COQ3: variants seen among roughly 807,000 people sequenced by gnomAD.
COQ3 encodes coenzyme Q3, methyltransferase, also known as ubiquinone biosynthesis O-methyltransferase, mitochondrial.
In COQ3, 29 loss-of-function variants were observed where a neutral mutation model predicts 33.1. That is an observed-to-expected ratio of 0.88 (90% confidence interval 0.65 to 1.19). The LOEUF is 1.19. Among genes scored for constraint, COQ3 ranks in the 50% most tolerant of loss-of-function variants. COQ3 has a pLI of 0.00. For synonymous variants in COQ3, 173 were observed against 157.8 expected (o/e 1.10, Z -0.72); for missense variants, 437 against 430.7 (o/e 1.01, Z -0.13).
rs903518890 is a variant in COQ3 at position 99,394,151 on chromosome 6, G to C, written c.29C>G (p.Ser10Cys). The C allele has an allele frequency of 2.5e-6, 4 of 1,606,570 alleles. No individual in the cohort carries two copies. Among genetic ancestry groups the C allele is most frequent in the African/African-American group, 1.4e-5 (1 of 74,064 alleles). The change falls in exon 1 of 7, where the codon TCC (serine) becomes TGC (cysteine). Residue 10 changes from serine (S) to cysteine (C), a missense_variant. Physicochemically the swap from Ser to Cys is moderately radical, Grantham distance 112. Transcript: ENST00000254759. The stretch of plus-strand genomic sequence containing the variant: ...CAGCACTCTTAAAAACCAACCCCCG[G>C]AGGAGCCCAGCTTACGGCCACTCCA... MWSGRKLGSSGGWFLRVLGP... is the reference protein window; with the variant it reads MWSGRKLGSCGGWFLRVLGP...
chr6:99,371,646 T>C, intron 5 of COQ3, 59 bp from the exon 6 acceptor site: 5 of 1,155,282 alleles, frequency 4.3e-6, no homozygotes, highest in Non-Finnish European at 6.2e-6. Context: ...ATCACTTAAG[T>C]AAAAGCTGTT....
chr6:99,376,788 T>C (rs942896323), intron 4 of COQ3, among the ~76,000 whole-genome samples: 6 of 151,808 alleles, frequency 4.0e-5, no homozygotes, highest in Non-Finnish European at 8.8e-5. Flanking sequence ...CTGGCCAACA[T>C]GGTGAAACCC....
chr6:99,394,149 C>T lies in COQ3; in HGVS notation c.31G>A (p.Gly11Arg). The change falls in exon 1 of 7, where the codon GGG (glycine) becomes AGG (arginine). Residue 11 changes from glycine to arginine, a missense_variant. Transcript: ENST00000254759. ...CCCAGCACTCTTAAAAACCAACCCC[C>T]GGAGGAGCCCAGCTTACGGCCACTC... is the stretch of plus-strand genomic sequence containing the variant. Reference protein sequence around the residue: MWSGRKLGSSGGWFLRVLGPG... With the variant: MWSGRKLGSSRGWFLRVLGPG... 1 of 1,607,248 alleles carries T rather than the reference C, an allele frequency of 6.2e-7. No homozygotes were observed. Among genetic ancestry groups the T allele is most frequent in the Non-Finnish European group, 8.5e-7 (1 of 1,176,718 alleles).
Position 99,383,732 on chromosome 6 carries a change from T to C in COQ3, c.199A>G (p.Ile67Val). The part of the protein sequence containing the change: ...RTIWFKSYRT[I>V]FSCLNRIKSF... ...TTTATTCTGTTCAAACAGGAAAAGA[T>C]CGTCCTGTAGGATTTGAACCATATG... Residue 67 changes from isoleucine (I) to valine (V), a missense_variant, in exon 2 of 7, where the codon ATC becomes GTC. By Grantham distance (29) the Ile-to-Val change is conservative. Transcript: ENST00000254759. 1 of 1,603,826 alleles carries C rather than the reference T, an allele frequency of 6.2e-7. No individual in the cohort carries two copies.
At chr6:99,371,655 T>C in intron 5 of COQ3, 68 bp from the exon 6 acceptor site, 2 of 1,024,814 alleles carry the variant, frequency 2.0e-6, no homozygotes, top group Non-Finnish European at 2.9e-6. Context: ...GTAAAAGCTG[T>C]TTCCCCCTCC....
intron 3 of COQ3, among the ~76,000 whole-genome samples, chr6:99,378,105 CATATATATATATATATATATATAT>C (rs57039767): frequency 1.3e-4 from 10 of 77,576 alleles, no homozygotes; most frequent in African/African-American, 4.4e-4. Flanking sequence ...GTAAACTAAA[CATATATATATATATATATATATAT>C]ATATATATAT....
chr6:99,383,453 G>C (rs1774528434), intron 2 of COQ3, among the ~76,000 whole-genome samples: 1 of 152,116 alleles, frequency 6.6e-6, no homozygotes, highest in African/African-American at 2.4e-5. Flanking sequence ...AGCTATCTCT[G>C]AATCTGAATG....
intron 1 of COQ3, among the ~76,000 whole-genome samples, chr6:99,384,708 A>G (rs958296537): frequency 1.3e-5 from 2 of 152,238 alleles, no homozygotes; most frequent in Non-Finnish European, 1.5e-5. Flanking sequence ...GTTGTTCAAT[A>G]AACATTCAGA....
rs1484441706 is a variant in COQ3, at chr6:99,384,975, G to A, written c.107-1151C>T. Among the ~76,000 whole-genome samples the A allele has an allele frequency of 5.3e-5, 8 of 152,154 alleles. No individual in the cohort carries two copies. In the East Asian group the frequency reaches 1.5e-3, roughly 29 times the overall value. On this transcript the variant is annotated intron_variant, in intron 1 of 6. Transcript: ENST00000254759. ...AAAATACAAAAATTAGCCAGGCATG[G>A]TGGCATGTGCCTGTAATCCCAGCTA...
intron 1 of COQ3, among the ~76,000 whole-genome samples, chr6:99,384,784 G>A (rs1774571551): frequency 6.6e-6 from 1 of 152,050 alleles, no homozygotes; most frequent in Non-Finnish European, 1.5e-5. Context: ...CAATAAAAGG[G>A]ATAATCCACC....
chr6:99,391,102 T>TATTTATTGATTG (rs1554209281), intron 1 of COQ3, among the ~76,000 whole-genome samples: 1 of 121,150 alleles, frequency 8.3e-6, no homozygotes, highest in Non-Finnish European at 1.9e-5. Flanking sequence ...TTTATTTATT[T>TATTTATTGATTG]ATTTATTTAT....
intron 1 of COQ3, among the ~76,000 whole-genome samples, chr6:99,389,300 T>C (rs939813138): frequency 2.0e-5 from 3 of 152,138 alleles, no homozygotes; most frequent in African/African-American, 7.2e-5. Context: ...ACTTTTTGTA[T>C]TTTTAGTAGA....
At chr6:99,391,056 G>C (rs908662504) in intron 1 of COQ3, among the ~76,000 whole-genome samples, 1 of 150,948 alleles carries the variant, frequency 6.6e-6, no homozygotes, top group African/African-American at 2.4e-5. Flanking sequence ...TAAAGTTCAT[G>C]TGTCTAGGCT....
chr6:99,372,120 T>G (rs989965807), intron 5 of COQ3, among the ~76,000 whole-genome samples: 1 of 151,958 alleles, frequency 6.6e-6, no homozygotes, highest in Non-Finnish European at 1.5e-5. Context: ...ATATAAAGAG[T>G]GGCCGGCCGT....
At chr6:99,391,223 C>T in intron 1 of COQ3, among the ~76,000 whole-genome samples, 1 of 151,640 alleles carries the variant, frequency 6.6e-6, no homozygotes, top group East Asian at 1.9e-4. Context: ...CTTAGCCTAT[C>T]CAGTAGCGAG....
chr6:99,380,129 G>T, intron 3 of COQ3, 60 bp downstream of exon 3: 1 of 1,506,910 alleles, frequency 6.6e-7, no homozygotes, highest in Non-Finnish European at 9.1e-7. Flanking sequence ...AAAAATGAAT[G>T]TGAAATATGA....
intron 1 of COQ3, 93 bp from the exon 2 acceptor site, chr6:99,383,917 T>G (rs1396621774): frequency 1.9e-6 from 2 of 1,057,202 alleles, no homozygotes; most frequent in East Asian, 3.1e-5. Flanking sequence ...ATTTTATTAT[T>G]TATTTTATAG....
Position 99,369,882 on chromosome 6 carries a change from A to G in COQ3, c.890-62T>C, listed in dbSNP as rs1774078381. On this transcript the variant is annotated intron_variant, in intron 6 of 6. Coordinates refer to ENST00000254759, the MANE Select transcript of COQ3 (RefSeq NM_017421.4). Reference sequence around the variant, plus strand: ...AAATATTTTCCTTCCAATTTCCAAGAGTTTCATGCAACTTTCTATATTAAA... The same window carrying G: ...AAATATTTTCCTTCCAATTTCCAAGGGTTTCATGCAACTTTCTATATTAAA... 3.7e-6 allele frequency: 4 copies of G among 1,088,872 alleles called. No individual in the cohort carries two copies. In the Admixed American group the frequency reaches 8.7e-5, roughly 24 times the overall value. 67.5% of individuals were successfully genotyped at this position (1,088,872 alleles called of 1,614,324 possible).
At chr6:99,391,413 C>T (rs1774826563) in intron 1 of COQ3, among the ~76,000 whole-genome samples, 1 of 151,946 alleles carries the variant, frequency 6.6e-6, no homozygotes, top group African/African-American at 2.4e-5. Flanking sequence ...CATTTTATTT[C>T]CCTTTCCACC....
Sources: gnomAD v4.1 joint callset for allele counts (sites outside exome capture counted in the v4.1 genomes callset) on GRCh38, gnomAD v4.1.1 for gene constraint, MANE v1.5 for transcripts, NCBI Gene and HGNC (gene_info 2026-07-23, HGNC 2026-07-21) for gene names.